Variants in MYOM1 observed in about 807,000 individuals in gnomAD.
MYOM1 encodes the protein myomesin-1.
In MYOM1, 164 loss-of-function variants were observed where a neutral mutation model predicts 205.3. The observed-to-expected ratio is 0.80, with a 90% confidence interval of 0.70 to 0.91. The LOEUF (loss-of-function observed/expected upper bound fraction) is 0.91. Ranked by LOEUF, MYOM1 falls within the 40% of genes least tolerant of loss-of-function variation. The pLI is 0.00. For missense variants in MYOM1, 2,011 were observed against 2,127.3 expected, an observed-to-expected ratio of 0.95 and a Z score of 1.08; for synonymous variants, 772 against 789.4, an observed-to-expected ratio of 0.98 and a Z score of 0.37.
intron 37 of MYOM1, among the ~76,000 whole-genome samples, chr18:3,068,107 C>T (rs1389093807): frequency 1.3e-5 from 2 of 152,100 alleles, no homozygotes; most frequent in Admixed American, 1.3e-4. Context: ...CCTACCAAAA[C>T]GTATTCCTAA....
At chr18:3,121,894 G>A (rs868300098) in intron 19 of MYOM1, among the ~76,000 whole-genome samples, 8 of 152,268 alleles carry the variant, frequency 5.3e-5, no homozygotes, top group Middle Eastern at 3.4e-3. Context: ...CGAGGCGGGC[G>A]GATCACTTGA....
intron 23 of MYOM1, among the ~76,000 whole-genome samples, 189 bp from the exon 24 acceptor site, chr18:3,100,615 T>C (rs559405217): frequency 9.8e-5 from 15 of 152,302 alleles, no homozygotes; most frequent in African/African-American, 3.6e-4. Context: ...GGACTTTCCT[T>C]ACCTCCTTCC....
At chr18:3,235,266 C>A in the MYOM1 span, among the ~76,000 whole-genome samples, 1 of 152,304 alleles carries the variant, frequency 6.6e-6, no homozygotes. Context: ...CAAATGATAA[C>A]TGTCATTTCC....
intron 36 of MYOM1, among the ~76,000 whole-genome samples, chr18:3,073,433 A>G (rs530130355): frequency 6.6e-6 from 1 of 152,348 alleles, no homozygotes; most frequent in South Asian, 2.1e-4. Flanking sequence ...CCCTGTCTAC[A>G]ATTCCCTTCT....
chr18:3,191,773 G>A (rs1440462122), intron 3 of MYOM1, among the ~76,000 whole-genome samples: 1 of 151,088 alleles, frequency 6.6e-6, no homozygotes, highest in Non-Finnish European at 1.5e-5. Flanking sequence ...TCAGCTCACT[G>A]CAACCTCTGC....
At chr18:3,112,875 A>C (rs1390159568) in intron 21 of MYOM1, among the ~76,000 whole-genome samples, 1 of 152,210 alleles carries the variant, frequency 6.6e-6, no homozygotes, top group Non-Finnish European at 1.5e-5. Flanking sequence ...AAAAGCATGA[A>C]TCATGAACAC....
intron 8 of MYOM1, among the ~76,000 whole-genome samples, chr18:3,171,145 C>G (rs1260832775): frequency 6.6e-6 from 1 of 152,198 alleles, no homozygotes; most frequent in African/African-American, 2.4e-5. Flanking sequence ...TTTGCACCGG[C>G]TGGCCGTTTC....
intron 26 of MYOM1, among the ~76,000 whole-genome samples, chr18:3,093,142 C>T (rs192065430): frequency 6.6e-6 from 1 of 152,286 alleles, no homozygotes; most frequent in Non-Finnish European, 1.5e-5. Context: ...ATACTGCATA[C>T]TCTCCTAATA....
intron 14 of MYOM1, among the ~76,000 whole-genome samples, chr18:3,139,251 T>A (rs1264294285): frequency 6.6e-6 from 1 of 152,248 alleles, no homozygotes; most frequent in East Asian, 1.9e-4. Context: ...TTCCTGCTGT[T>A]AACGAGTGAT....
Position 3,135,296 on chromosome 18 carries a change from A to G in MYOM1, c.2209+251T>C, listed in dbSNP as rs2079939538. 2 of 401,318 alleles carry G rather than the reference A, an allele frequency of 5.0e-6. No homozygotes were observed. The highest frequency in any genetic ancestry group is 4.1e-5 in the African/African-American group (2 of 49,138). The allele number at this position is 401,318 out of a possible 1,614,324, so 24.9% of individuals were successfully genotyped here. On this transcript the variant is annotated intron_variant, in intron 15 of 37. Coordinates refer to ENST00000356443, the MANE Select transcript of MYOM1 (RefSeq NM_003803.4). The surrounding 1 kb of genome is among the most constrained non-coding windows in gnomAD (Gnocchi z 4.1). ...AAAAATTTTAAAACAGTTAGGGAGC[A>G]TGGATAAACTAAATGTCCATGAACT...
chr18:3,184,926 A>C lies in MYOM1; in HGVS notation c.929+2554T>G, dbSNP rs2080789697. Among the ~76,000 whole-genome samples the C allele has an allele frequency of 2.0e-5, 3 of 152,312 alleles. No individual in the cohort carries two copies. The South Asian group carries it at 6.2e-4, about 32-fold the overall frequency. On this transcript the variant is annotated intron_variant, in intron 5 of 37. Coordinates refer to ENST00000356443, the MANE Select transcript of MYOM1 (RefSeq NM_003803.4). ...CCCCTAGGACATAAACTTCACATGT[A>C]AAGGATGCAGATATTTCAAAGCCAC...
At position 3,206,234 on chromosome 18, in the gene MYOM1, A is replaced by G. The variant is rs377364163; in HGVS notation, c.290+8700T>C. On this transcript the variant is annotated intron_variant, in intron 2 of 37. Coordinates refer to ENST00000356443, the MANE Select transcript of MYOM1 (RefSeq NM_003803.4). ...CATTAGGCTTTACTGAAAGGCCACA[A>G]AAGAGCTGAATTCATTTTTTCTATT... Among the ~76,000 whole-genome samples, 257 of 152,368 alleles carry G rather than the reference A, an allele frequency of 1.7e-3. 1 individual carries two copies. In the Middle Eastern group the frequency reaches 0.037, roughly 22 times the overall value.
rs2080237753 is a variant in MYOM1, at chr18:3,152,635, T to G, written c.1644-742A>C. On this transcript the variant is annotated intron_variant, in intron 11 of 37. Transcript: ENST00000356443. The surrounding 1 kb of genome is among the most constrained non-coding windows in gnomAD (Gnocchi z 4.3). ...GCTGTTGGCCTGATCAACAAAGCTT[T>G]AGGGGTTCAACATGTGATTAAATTT... Among the ~76,000 whole-genome samples, 1 of 152,176 alleles carries G rather than the reference T, an allele frequency of 6.6e-6. No individual in the cohort carries two copies. The highest frequency in any genetic ancestry group is 1.5e-5 in the Non-Finnish European group (1 of 68,032).
rs59171311 is a variant in MYOM1 at position 3,169,072 on chromosome 18, C to CA, written c.1175-92dup. ...AAGCACAGGCAGAAAGCAGTCACAG[C>CA]AAAAAAAAAATGAACAAATGAGCAA... On this transcript the variant is annotated intron_variant, in intron 8 of 37. Transcript: ENST00000356443. The CA allele has an allele frequency of 4.3e-3, 3,868 of 890,608 alleles. 9 individuals carry two copies. Among genetic ancestry groups the CA allele is most frequent in the South Asian group, 0.013 (661 of 51,066 alleles). The allele number at this position is 890,608 out of a possible 1,614,324, so 55.2% of individuals were successfully genotyped here.
At chr18:3,203,994 A>G (rs2081100308) in intron 2 of MYOM1, among the ~76,000 whole-genome samples, 1 of 151,998 alleles carries the variant, frequency 6.6e-6, no homozygotes, top group Non-Finnish European at 1.5e-5. Flanking sequence ...TTAATAGAAT[A>G]AAAAGCAAAA....
At chr18:3,185,805 GAA>G (rs2080801086) in intron 5 of MYOM1, among the ~76,000 whole-genome samples, 1 of 152,100 alleles carries the variant, frequency 6.6e-6, no homozygotes, top group South Asian at 2.1e-4. Flanking sequence ...CAGAAGCCCT[GAA>G]AAGAGTTTAC....
intron 22 of MYOM1, among the ~76,000 whole-genome samples, chr18:3,107,597 T>C (rs1181566330): frequency 2.0e-5 from 3 of 152,230 alleles, no homozygotes; most frequent in African/African-American, 7.2e-5. Context: ...CTTTAAAAGA[T>C]AAATGCCAGT....
intron 5 of MYOM1, among the ~76,000 whole-genome samples, chr18:3,183,901 T>TTCTC (rs202108736): frequency 3.4e-5 from 5 of 148,356 alleles, no homozygotes; most frequent in African/African-American, 1.3e-4. Context: ...TCATTTTTCG[T>TTCTC]TCTCTCTCTT....
chr18:3,214,293 T>G (rs1028498058), intron 2 of MYOM1, among the ~76,000 whole-genome samples: 8 of 152,228 alleles, frequency 5.3e-5, no homozygotes, highest in Non-Finnish European at 1.2e-4. Context: ...AAACCCGCTG[T>G]GAATACTGAA....
Sources: allele counts gnomAD v4.1 joint callset (sites outside exome capture counted in the v4.1 genomes callset), GRCh38; gene constraint gnomAD v4.1.1; non-coding constraint Gnocchi (gnomAD v3.1); transcripts MANE v1.5; gene names NCBI Gene and HGNC (gene_info 2026-07-23, HGNC 2026-07-21).